Variants in GRIK1 observed in about 807,000 individuals in gnomAD.
The protein encoded by GRIK1 is glutamate receptor ionotropic, kainate 1.
A neutral mutation model predicts 105.7 loss-of-function variants in GRIK1; 69 were observed. That is an observed-to-expected ratio of 0.65 (90% confidence interval 0.54 to 0.80). The LOEUF (loss-of-function observed/expected upper bound fraction) is 0.80, where lower values mean the gene tolerates loss of function less well. Ranked by LOEUF, GRIK1 falls within the 30% of genes least tolerant of loss-of-function variation. GRIK1 has a pLI of 0.00. For missense variants in GRIK1, 1,109 were observed against 1,167.3 expected, an observed-to-expected ratio of 0.95 and a Z score of 0.73; for synonymous variants, 438 against 431.3, an observed-to-expected ratio of 1.02 and a Z score of -0.19.
At chr21:29,539,234 G>T (rs150564633) in intron 16 of GRIK1, among the ~76,000 whole-genome samples, 3 of 152,148 alleles carry the variant, frequency 2.0e-5, no homozygotes, top group African/African-American at 7.2e-5. Context: ...CTATGGGGTT[G>T]TGTCTCAATA....
At chr21:29,905,524 C>G (rs1363813668) in intron 1 of GRIK1, among the ~76,000 whole-genome samples, 2 of 151,234 alleles carry the variant, frequency 1.3e-5, no homozygotes, top group South Asian at 2.1e-4. Flanking sequence ...TGGCTCTCTG[C>G]AACCTCCGTC....
chr21:29,816,292 A>C (rs2067152282), intron 1 of GRIK1, among the ~76,000 whole-genome samples: 1 of 152,168 alleles, frequency 6.6e-6, no homozygotes, highest in Non-Finnish European at 1.5e-5. Flanking sequence ...AAAGACAAAA[A>C]ATAGCAAATA....
At chr21:29,837,362 C>G (rs1462786887) in intron 1 of GRIK1, among the ~76,000 whole-genome samples, 2 of 152,100 alleles carry the variant, frequency 1.3e-5, no homozygotes, top group South Asian at 2.1e-4. Flanking sequence ...CTTCCGAAAG[C>G]CTTTAGCAGC....
At chr21:29,934,124 A>G (rs145756654) in intron 1 of GRIK1, among the ~76,000 whole-genome samples, 1 of 152,316 alleles carries the variant, frequency 6.6e-6, no homozygotes, top group Non-Finnish European at 1.5e-5. Context: ...CACTCTAACA[A>G]CAAACAGTGT....
chr21:29,646,777 G>A lies in GRIK1; in HGVS notation c.955-3808C>T, dbSNP rs190534123. ...ATTCCATCTTGGGCTATATGTGCAA[G>A]CTAAGGAATGTGTTTCTTGGAAATA... On this transcript the variant is annotated intron_variant, in intron 6 of 17. Coordinates refer to ENST00000327783, the MANE Select transcript of GRIK1 (RefSeq NM_001330994.2). 5.4e-3 allele frequency among the ~76,000 whole-genome samples: 822 copies of A among 152,230 alleles called. 4 individuals carry two copies. The highest frequency in any genetic ancestry group is 0.011 in the South Asian group (52 of 4,816).
At position 29,876,112 on chromosome 21, in the gene GRIK1, ATG is replaced by A. The variant is rs1555903193; in HGVS notation, c.118+63269_118+63270del. 6.3e-3 allele frequency among the ~76,000 whole-genome samples: 945 copies of A among 149,068 alleles called. 9 individuals carry two copies. The highest frequency in any genetic ancestry group is 0.022 in the African/African-American group (882 of 40,268). ...ACAATCCCAAGGGGAGGAGATAGAT[ATG>A]TGTGTGTGTGTGTGTGTGTGTGTGT... On this transcript the variant is annotated intron_variant, in intron 1 of 17. Transcript: ENST00000327783.
chr21:29,615,705 A>C (rs1186490896), intron 7 of GRIK1, among the ~76,000 whole-genome samples: 1 of 152,266 alleles, frequency 6.6e-6, no homozygotes, highest in Non-Finnish European at 1.5e-5. Flanking sequence ...TAATACTGCT[A>C]TAATTTCAGA....
chr21:29,677,785 T>C (rs1296141038), intron 3 of GRIK1, among the ~76,000 whole-genome samples: 2 of 152,066 alleles, frequency 1.3e-5, no homozygotes, highest in African/African-American at 4.8e-5. Flanking sequence ...AAGGGAGGCA[T>C]GGTGAGGTTA....
chr21:29,764,621 G>C (rs532590861), intron 1 of GRIK1, among the ~76,000 whole-genome samples: 2 of 152,218 alleles, frequency 1.3e-5, no homozygotes, highest in Admixed American at 1.3e-4. Flanking sequence ...ATTCCCCTAG[G>C]CAAGGTCAGT....
At chr21:29,567,396 G>A (rs761391414) in intron 14 of GRIK1, among the ~76,000 whole-genome samples, 2 of 152,032 alleles carry the variant, frequency 1.3e-5, no homozygotes, top group African/African-American at 2.4e-5. Flanking sequence ...CAGTTAGGAT[G>A]TATAATCTCA....
intron 1 of GRIK1, among the ~76,000 whole-genome samples, chr21:29,868,034 A>G (rs574360677): frequency 7.9e-5 from 12 of 151,864 alleles, no homozygotes; most frequent in Non-Finnish European, 1.3e-4. Context: ...GAAAGGAAGG[A>G]AGGAAGGAAG....
chr21:29,642,447 G>A (rs557704552), intron 7 of GRIK1, among the ~76,000 whole-genome samples: 2 of 152,322 alleles, frequency 1.3e-5, no homozygotes, highest in African/African-American at 4.8e-5. Flanking sequence ...ATTGTGGACT[G>A]ATAATGCTGG....
chr21:29,560,361 C>CTTTCTTTTTA (rs1568813547), intron 15 of GRIK1, among the ~76,000 whole-genome samples: 1 of 35,212 alleles, frequency 2.8e-5, no homozygotes, highest in East Asian at 9.3e-4. Flanking sequence ...CTTTCTTTTT[C>CTTTCTTTTTA]TTTCTTCCTT....
chr21:29,652,368 A>C (rs919856803), intron 5 of GRIK1, among the ~76,000 whole-genome samples: 11 of 152,212 alleles, frequency 7.2e-5, no homozygotes, highest in African/African-American at 2.2e-4. Context: ...CTTGTTGAAA[A>C]GAACTCATAT....
chr21:29,791,536 T>C (rs193232739), intron 1 of GRIK1, among the ~76,000 whole-genome samples: 202 of 152,140 alleles, frequency 1.3e-3, no homozygotes, highest in Admixed American at 2.8e-3. Context: ...TAGTATAGTT[T>C]AGGTAGTTCA....
At chr21:29,701,314 C>A (rs1481282389) in intron 1 of GRIK1, among the ~76,000 whole-genome samples, 1 of 152,140 alleles carries the variant, frequency 6.6e-6, no homozygotes, top group African/African-American at 2.4e-5. Context: ...AAAGTGCTTA[C>A]TGGGAGGGCA....
chr21:29,817,995 G>T (rs1446847499), intron 1 of GRIK1, among the ~76,000 whole-genome samples: 1 of 152,082 alleles, frequency 6.6e-6, no homozygotes, highest in Non-Finnish European at 1.5e-5. Flanking sequence ...AGTAAAAATT[G>T]TTGAATAATT....
chr21:29,625,673 C>T (rs1259354451), intron 7 of GRIK1, among the ~76,000 whole-genome samples: 1 of 152,124 alleles, frequency 6.6e-6, no homozygotes, highest in Non-Finnish European at 1.5e-5. Flanking sequence ...ATATGTAATG[C>T]ACATATTTGC....
intron 7 of GRIK1, among the ~76,000 whole-genome samples, chr21:29,620,466 C>A (rs554062102): frequency 6.6e-6 from 1 of 152,074 alleles, no homozygotes; most frequent in Non-Finnish European, 1.5e-5. Flanking sequence ...CCACCATGGC[C>A]TTTCTTTAAA....
Sources: gnomAD v4.1 joint callset for allele counts (sites outside exome capture counted in the v4.1 genomes callset) on GRCh38, gnomAD v4.1.1 for gene constraint, MANE v1.5 for transcripts, NCBI Gene and HGNC (gene_info 2026-07-23, HGNC 2026-07-21) for gene names.